The following ARHGAP35 variants were observed in gnomAD, a reference collection of about 807,000 sequenced individuals.
The protein encoded by ARHGAP35 is Rho GTPase activating protein 35, also known as rho GTPase-activating protein 35.
In ARHGAP35, 15 loss-of-function variants were observed where a neutral mutation model predicts 111.1. That is an observed-to-expected ratio of 0.13 (90% CI 0.09 to 0.21). ARHGAP35 has a LOEUF of 0.21. ARHGAP35 is among the 10% of genes least tolerant of loss of function. ARHGAP35 has a pLI of 1.00. For missense variants in ARHGAP35, 1,262 were observed against 1,873.0 expected, an observed-to-expected ratio of 0.67 and a Z score of 6.02; for synonymous variants, 643 against 710.3, an observed-to-expected ratio of 0.91 and a Z score of 1.51.
chr19:46,968,994 GAAGAATCTC>G (rs1288758503), intron 3 of ARHGAP35, among the ~76,000 whole-genome samples: 1 of 152,146 alleles, frequency 6.6e-6, no homozygotes, highest in Non-Finnish European at 1.5e-5. Flanking sequence ...GACTGAGGCG[GAAGAATCTC>G]TTGAACCTGG....
At chr19:46,934,306 T>G (rs1316394426) in intron 2 of ARHGAP35, among the ~76,000 whole-genome samples, 2 of 152,196 alleles carry the variant, frequency 1.3e-5, no homozygotes, top group Non-Finnish European at 2.9e-5. Context: ...AGAGCATTGT[T>G]TGAATCATTG....
At chr19:46,890,514 C>G (rs1262326699) in intron 1 of ARHGAP35, among the ~76,000 whole-genome samples, 2 of 152,168 alleles carry the variant, frequency 1.3e-5, no homozygotes, top group East Asian at 3.9e-4. Context: ...AGCTGTTAGT[C>G]TCCTGGGAAC....
At chr19:46,949,544 A>G (rs1481726071) in intron 3 of ARHGAP35, among the ~76,000 whole-genome samples, 1 of 152,228 alleles carries the variant, frequency 6.6e-6, no homozygotes, top group Non-Finnish European at 1.5e-5. Context: ...CCTGAACTCA[A>G]CAAAAAAGGG....
intron 3 of ARHGAP35, among the ~76,000 whole-genome samples, chr19:46,954,342 A>G (rs1189131602): frequency 6.6e-6 from 1 of 152,230 alleles, no homozygotes; most frequent in Non-Finnish European, 1.5e-5. Context: ...ATGTGTCCCC[A>G]TGGGACCTGG....
At chr19:46,911,365 T>C (rs1032854771) in intron 1 of ARHGAP35, among the ~76,000 whole-genome samples, 1 of 152,230 alleles carries the variant, frequency 6.6e-6, no homozygotes, top group Non-Finnish European at 1.5e-5. Context: ...CTCAAGTAAA[T>C]TATAAGATCC....
intron 1 of ARHGAP35, among the ~76,000 whole-genome samples, chr19:46,889,293 G>T (rs190412659): frequency 6.6e-6 from 1 of 151,812 alleles, no homozygotes; most frequent in Non-Finnish European, 1.5e-5. Flanking sequence ...GTGAAACCCT[G>T]TCTCTACTAA....
chr19:46,877,425 T>G (rs889031420), intron 1 of ARHGAP35, among the ~76,000 whole-genome samples: 2 of 151,372 alleles, frequency 1.3e-5, no homozygotes, highest in African/African-American at 4.9e-5. Context: ...TAGCCGGGCG[T>G]GGTGGTGGGC....
intron 3 of ARHGAP35, among the ~76,000 whole-genome samples, chr19:46,979,838 CAG>C (rs1490640643): frequency 2.0e-5 from 3 of 152,048 alleles, no homozygotes; most frequent in Admixed American, 2.0e-4. Context: ...TCTTGACTGA[CAG>C]GGGAATTACC....
intron 1 of ARHGAP35, among the ~76,000 whole-genome samples, chr19:46,900,097 T>C (rs139607889): frequency 1.3e-5 from 2 of 152,352 alleles, no homozygotes; most frequent in East Asian, 3.9e-4. Context: ...TTTATGCTTT[T>C]ACTTCTCTGG....
In ARHGAP35 at chr19:46,901,637, C is replaced by T. The variant is rs533415038; in HGVS notation, c.-188-16851C>T. Among the ~76,000 whole-genome samples, 13 of 152,262 alleles carry T rather than the reference C, an allele frequency of 8.5e-5. No homozygotes were observed. Among genetic ancestry groups the T allele is most frequent in the African/African-American group, 2.2e-4 (9 of 41,546 alleles). ...AGAGCAAGAGTATACATGTGAAGAA[C>T]GCGTAAGGCTGTGGGGATCCAGGCG... is the stretch of plus-strand genomic sequence containing the variant. On this transcript the variant is annotated intron_variant, in intron 1 of 6. Coordinates refer to ENST00000672722, the MANE Select transcript of ARHGAP35 (RefSeq NM_004491.5). The surrounding 1 kb of genome is among the most constrained non-coding windows in gnomAD (Gnocchi z 4.5).
intron 1 of ARHGAP35, among the ~76,000 whole-genome samples, chr19:46,880,502 A>G (rs1050641112): frequency 1.6e-4 from 25 of 152,144 alleles, no homozygotes; most frequent in African/African-American, 4.6e-4. Flanking sequence ...CACATCTTCA[A>G]ACTCCATTTC....
intron 3 of ARHGAP35, among the ~76,000 whole-genome samples, chr19:46,956,793 G>A (rs1247424454): frequency 1.3e-5 from 2 of 152,078 alleles, no homozygotes; most frequent in Admixed American, 1.3e-4. Context: ...CCCTGTCTAA[G>A]CCTCAGTTTC....
At chr19:46,912,645 T>C (rs996882323) in intron 1 of ARHGAP35, among the ~76,000 whole-genome samples, 1 of 152,170 alleles carries the variant, frequency 6.6e-6, no homozygotes, top group Non-Finnish European at 1.5e-5. Context: ...CATGAGCCAC[T>C]GCTCCTGGTC....
intron 3 of ARHGAP35, among the ~76,000 whole-genome samples, chr19:46,963,219 C>G (rs1238213889): frequency 6.6e-6 from 1 of 152,082 alleles, no homozygotes; most frequent in African/African-American, 2.4e-5. Flanking sequence ...TGACTCAGGG[C>G]ATAGTATGAT....
At chr19:46,942,264 C>T (rs2056351795) in intron 3 of ARHGAP35, among the ~76,000 whole-genome samples, 1 of 152,186 alleles carries the variant, frequency 6.6e-6, no homozygotes, top group Non-Finnish European at 1.5e-5. Flanking sequence ...TGCATATACA[C>T]ATATATTTAT....
chr19:46,895,388 A>C (rs1193649529), intron 1 of ARHGAP35, among the ~76,000 whole-genome samples: 1 of 151,986 alleles, frequency 6.6e-6, no homozygotes, highest in Non-Finnish European at 1.5e-5. Context: ...ATAGTCTTCG[A>C]TCTCCTGACC....
chr19:46,962,740 C>T (rs1046524611), intron 3 of ARHGAP35, among the ~76,000 whole-genome samples: 4 of 152,114 alleles, frequency 2.6e-5, no homozygotes, highest in Non-Finnish European at 2.9e-5. Flanking sequence ...CAGCCTCCCA[C>T]GTAGATGGGA....
intron 1 of ARHGAP35, among the ~76,000 whole-genome samples, chr19:46,883,825 T>C (rs2055978579): frequency 6.6e-6 from 1 of 151,980 alleles, no homozygotes; most frequent in African/African-American, 2.4e-5. Flanking sequence ...GAGGCCAGGG[T>C]GGGCAGATTG....
chr19:47,000,211 C>A lies in ARHGAP35; in HGVS notation c.4143-120C>A. The A allele has an allele frequency of 9.0e-7, 1 of 1,107,066 alleles. No individual in the cohort carries two copies. The highest frequency in any genetic ancestry group is 1.3e-6 in the Non-Finnish European group (1 of 767,498). 68.6% of individuals were successfully genotyped at this position (1,107,066 alleles called of 1,614,324 possible). A position where few individuals can be genotyped will look rare whatever the true frequency, so the allele number is the denominator to read the frequency against. ...CAGGGTACAGAGAGCTGCGCATGGC[C>A]TTTTCTGCTCCACCTGAGGGAAGAA... On this transcript the variant is annotated intron_variant, in intron 6 of 6. Coordinates refer to ENST00000672722, the MANE Select transcript of ARHGAP35 (RefSeq NM_004491.5). The surrounding 1 kb of genome is among the most constrained non-coding windows in gnomAD (Gnocchi z 6.9).
Sources: allele counts gnomAD v4.1 joint callset (sites outside exome capture counted in the v4.1 genomes callset), GRCh38; gene constraint gnomAD v4.1.1; non-coding constraint Gnocchi (gnomAD v3.1); transcripts MANE v1.5; gene names NCBI Gene and HGNC (gene_info 2026-07-23, HGNC 2026-07-21).